Variants in KIAA1328 observed in about 807,000 individuals in gnomAD.
KIAA1328 encodes KIAA1328.
A neutral mutation model predicts 68.1 loss-of-function variants in KIAA1328; 52 were observed. The observed-to-expected ratio is 0.76, with a 90% confidence interval of 0.61 to 0.96. The LOEUF (loss-of-function observed/expected upper bound fraction) is 0.96, where lower values mean the gene tolerates loss of function less well. KIAA1328 is among the 40% of genes least tolerant of loss of function. The pLI is 0.00. For missense variants in KIAA1328, 641 were observed against 677.6 expected, an observed-to-expected ratio of 0.95 and a Z score of 0.60; for synonymous variants, 232 against 239.4, an observed-to-expected ratio of 0.97 and a Z score of 0.28.
intron 6 of KIAA1328, among the ~76,000 whole-genome samples, chr18:37,022,679 A>G (rs934706699): frequency 1.2e-4 from 18 of 152,296 alleles, no homozygotes; most frequent in Non-Finnish European, 1.5e-5. Context: ...TGTTTAAGGA[A>G]TCTAGAGACC....
intron 7 of KIAA1328, among the ~76,000 whole-genome samples, chr18:37,070,155 A>G (rs1286543513): frequency 1.3e-5 from 2 of 152,038 alleles, no homozygotes; most frequent in Non-Finnish European, 2.9e-5. Flanking sequence ...TCTGATTTCT[A>G]GTTTGATACC....
intron 7 of KIAA1328, among the ~76,000 whole-genome samples, chr18:37,095,855 A>G (rs1463702339): frequency 2.0e-5 from 3 of 152,234 alleles, no homozygotes; most frequent in Non-Finnish European, 4.4e-5. Context: ...AGAGACTATT[A>G]TGAAAAACTG....
intron 1 of KIAA1328, 168 bp downstream of exon 1, chr18:36,829,364 T>G (rs879545572): frequency 6.5e-6 from 9 of 1,377,872 alleles, no homozygotes; most frequent in Non-Finnish European, 7.5e-6. Context: ...CTTGCTTGGG[T>G]GTTAGGTGGC....
chr18:36,939,810 A>G (rs2050637730), intron 5 of KIAA1328, among the ~76,000 whole-genome samples: 1 of 152,142 alleles, frequency 6.6e-6, no homozygotes, highest in Non-Finnish European at 1.5e-5. Context: ...AGGATGTTGA[A>G]TATTGTCAAA....
intron 5 of KIAA1328, chr18:36,886,174 C>A (rs556602461): frequency 3.3e-5 from 5 of 152,706 alleles, no homozygotes; most frequent in Admixed American, 2.6e-4. Context: ...ATAAGGCCAT[C>A]CAGCTGTTCT....
intron 6 of KIAA1328, among the ~76,000 whole-genome samples, chr18:37,044,445 G>A (rs945317205): frequency 3.9e-5 from 6 of 152,170 alleles, no homozygotes; most frequent in African/African-American, 1.4e-4. Context: ...ACCAAGCTAT[G>A]CAAAACCACA....
At chr18:36,850,287 A>G (rs1412233793) in intron 4 of KIAA1328, among the ~76,000 whole-genome samples, 1 of 151,924 alleles carries the variant, frequency 6.6e-6, no homozygotes, top group Non-Finnish European at 1.5e-5. Context: ...CAGATTGTTC[A>G]TTGCTAGTGT....
chr18:37,106,706 C>T (rs2057786808), intron 7 of KIAA1328, among the ~76,000 whole-genome samples: 1 of 152,170 alleles, frequency 6.6e-6, no homozygotes, highest in East Asian at 1.9e-4. Context: ...GCCACTGCAC[C>T]TGGCCTAAAA....
chr18:37,172,451 A>G (rs2059518595), intron 8 of KIAA1328, among the ~76,000 whole-genome samples: 1 of 152,244 alleles, frequency 6.6e-6, no homozygotes, highest in African/African-American at 2.4e-5. Flanking sequence ...ACTATTGCTT[A>G]GGAACTTTCC....
intron 4 of KIAA1328, among the ~76,000 whole-genome samples, chr18:36,862,788 CA>C (rs1376114849): frequency 2.6e-5 from 4 of 152,158 alleles, no homozygotes; most frequent in African/African-American, 4.8e-5. Flanking sequence ...TTCCCAACAG[CA>C]ATGTAAGAGG....
intron 6 of KIAA1328, among the ~76,000 whole-genome samples, chr18:37,015,577 G>T (rs576657987): frequency 4.1e-4 from 62 of 151,880 alleles, no homozygotes; most frequent in African/African-American, 1.5e-3. Context: ...TCTATCTGTA[G>T]ATTGCTTTGG....
chr18:36,912,574 C>T (rs1448403844), intron 5 of KIAA1328, among the ~76,000 whole-genome samples: 3 of 152,078 alleles, frequency 2.0e-5, no homozygotes, highest in East Asian at 3.9e-4. Context: ...GTGGGTGTAC[C>T]GTTACTCCGC....
chr18:36,951,635 C>T (rs2051165796), intron 5 of KIAA1328, among the ~76,000 whole-genome samples: 1 of 152,168 alleles, frequency 6.6e-6, no homozygotes. Flanking sequence ...TTCGCTATCT[C>T]CACTAAACTC....
At chr18:37,156,426 CAAAAAAAAAAAAAA>C (rs769062667) in intron 7 of KIAA1328, among the ~76,000 whole-genome samples, 1 of 36,106 alleles carries the variant, frequency 2.8e-5, no homozygotes, top group African/African-American at 8.5e-5. Context: ...AACTCCGCCT[CAAAAAAAAAAAAAA>C]AAAAAAAAAA....
At chr18:37,037,039 A>G (rs1268860857) in intron 6 of KIAA1328, among the ~76,000 whole-genome samples, 2 of 152,156 alleles carry the variant, frequency 1.3e-5, no homozygotes, top group African/African-American at 4.8e-5. Context: ...AGAAAGCAAC[A>G]TCTGGCCCAG....
chr18:37,210,691 C>A (rs1411705296), intron 9 of KIAA1328, among the ~76,000 whole-genome samples: 1 of 152,186 alleles, frequency 6.6e-6, no homozygotes, highest in African/African-American at 2.4e-5. Context: ...ACAGAAGACA[C>A]CTGATAAATG....
chr18:37,186,279 G>A (rs1454356136), intron 9 of KIAA1328, among the ~76,000 whole-genome samples: 1 of 151,568 alleles, frequency 6.6e-6, no homozygotes, highest in Non-Finnish European at 1.5e-5. Flanking sequence ...GTCTTTGTAA[G>A]CATAAAAGGA....
At chr18:36,891,747 C>T (rs1205288027) in intron 5 of KIAA1328, among the ~76,000 whole-genome samples, 4 of 152,116 alleles carry the variant, frequency 2.6e-5, no homozygotes, top group South Asian at 4.1e-4. Context: ...TTTGCTATTG[C>T]GAACTGTGCT....
intron 4 of KIAA1328, among the ~76,000 whole-genome samples, chr18:36,878,592 A>G (rs190907693): frequency 9.0e-4 from 137 of 152,238 alleles, no homozygotes; most frequent in Non-Finnish European, 1.6e-3. Context: ...CTCCTGGATA[A>G]TATCCTAAAG....
Sources: gnomAD v4.1 joint callset for allele counts (sites outside exome capture counted in the v4.1 genomes callset) on GRCh38, gnomAD v4.1.1 for gene constraint, MANE v1.5 for transcripts, NCBI Gene and HGNC (gene_info 2026-07-23, HGNC 2026-07-21) for gene names.